Variants in SP110 observed in about 807,000 individuals in gnomAD.
The protein encoded by SP110 is interferon-induced protein 41, 30kD.
SP110 carries 62 observed loss-of-function variants against 92.7 expected under a neutral mutation model. That is an observed-to-expected ratio of 0.67 (90% CI 0.55 to 0.83). The LOEUF is 0.83. Ranked by LOEUF, SP110 falls within the 40% of genes least tolerant of loss-of-function variation. The probability of loss-of-function intolerance (pLI) is 0.00; values close to 1 mark genes in which losing one functional copy is unlikely to be tolerated. For synonymous variants in SP110, 273 were observed against 305.3 expected (o/e 0.89, Z 1.10); for missense variants, 793 against 863.9 (o/e 0.92, Z 1.03).
In SP110 at chr2:230,172,673, A is replaced by G. The variant is rs561778670; in HGVS notation, c.1706+171T>C. The G allele has an allele frequency of 2.9e-4, 175 of 612,530 alleles. 1 individual carries two copies. The South Asian group carries it at 3.2e-3, about 11-fold the overall frequency. The allele number at this position is 612,530 out of a possible 1,614,324, so 37.9% of individuals were successfully genotyped here. A position where few individuals can be genotyped will look rare whatever the true frequency, so the allele number is the denominator to read the frequency against. On this transcript the variant is annotated intron_variant, in intron 15 of 18. Coordinates refer to ENST00000258381, the MANE Select transcript of SP110 (RefSeq NM_080424.4). Reference sequence around the variant, plus strand: ...AGGAAAGGGCACTTCCAGGGGCAGAAGCAGTGTGGGGCCAAGAGGCTCACT... The same window carrying G: ...AGGAAAGGGCACTTCCAGGGGCAGAGGCAGTGTGGGGCCAAGAGGCTCACT...
At chr2:230,210,693 C>G (rs946705254) in intron 6 of SP110, among the ~76,000 whole-genome samples, 1 of 152,198 alleles carries the variant, frequency 6.6e-6, no homozygotes, top group Admixed American at 6.5e-5. Flanking sequence ...GAACTTGAAG[C>G]CATAACAAAT....
chr2:230,168,962 G>C lies in SP110; in HGVS notation c.*162C>G, dbSNP rs536224460. On this transcript the variant is annotated 3_prime_UTR_variant, in exon 19 of 19. Coordinates refer to ENST00000258381, the MANE Select transcript of SP110 (RefSeq NM_080424.4). ...AGATATAGACTTTTAAAGGTAAAAA[G>C]AAAGAATAAAGATGGAGGGTGTGAT... The C allele has an allele frequency of 8.0e-6, 5 of 621,898 alleles. No homozygotes were observed. Among genetic ancestry groups the C allele is most frequent in the Non-Finnish European group, 1.5e-5 (5 of 340,512 alleles). The allele number at this position is 621,898 out of a possible 1,614,324, so 38.5% of individuals were successfully genotyped here.
Position 230,165,845 on chromosome 2 carries a change from A to G in SP110, c.*3279T>C, listed in dbSNP as rs2078302703. ...AAATAGACAAAAATAACATTAAAACATTAAAAAGAGAAATATTAAAATATG... is the reference window on the plus strand; with the variant it reads ...AAATAGACAAAAATAACATTAAAACGTTAAAAAGAGAAATATTAAAATATG... On this transcript the variant is annotated 3_prime_UTR_variant, in exon 19 of 19. Transcript: ENST00000258381. Among the ~76,000 whole-genome samples, 1 of 152,064 alleles carries G rather than the reference A, an allele frequency of 6.6e-6. No homozygotes were observed. The highest frequency in any genetic ancestry group is 2.4e-5 in the African/African-American group (1 of 41,422).
chr2:230,178,839 C>T (rs966191840), intron 12 of SP110, among the ~76,000 whole-genome samples: 3 of 152,182 alleles, frequency 2.0e-5, no homozygotes, highest in Admixed American at 2.0e-4. Context: ...CAACTCAGAA[C>T]CCCTGGGTAG....
chr2:230,177,587 C>T lies in SP110; in HGVS notation c.1541G>A (p.Trp514Ter), dbSNP rs756828902. The change falls in exon 14 of 19, where the codon TGG (tryptophan) becomes TAG (stop). Residue 514 changes from tryptophan to a stop codon, truncating the protein, a stop_gained. Transcript: ENST00000258381. LOFTEE classifies it high-confidence loss of function. The part of the protein sequence containing the change: ...VEGKGRNAKN[W>*]KRNIRCEGMT... ...TCCTTCACAACGTATATTCCGTTTC[C>T]AGTTCTTTGCGTTCCTTCCTTTTCC... 6.2e-7 allele frequency: 1 copy of T among 1,614,124 alleles called. No homozygotes were observed. The highest frequency in any genetic ancestry group is 8.5e-7 in the Non-Finnish European group (1 of 1,179,952).
chr2:230,223,320 C>A (rs2045977041), upstream of SP110, among the ~76,000 whole-genome samples: 2 of 152,186 alleles, frequency 1.3e-5, no homozygotes, highest in South Asian at 4.1e-4. Flanking sequence ...TAGGCATGAG[C>A]CACCATGCCC....
chr2:230,182,240 T>C (rs1344729249), intron 12 of SP110, among the ~76,000 whole-genome samples: 1 of 151,906 alleles, frequency 6.6e-6, no homozygotes, highest in Non-Finnish European at 1.5e-5. Context: ...TTCTCACTTA[T>C]AAGTGGGAGT....
chr2:230,216,196 GA>G (rs1453654059), intron 2 of SP110, among the ~76,000 whole-genome samples: 3 of 152,158 alleles, frequency 2.0e-5, no homozygotes, highest in Admixed American at 1.3e-4. Flanking sequence ...TCTCAGCCAA[GA>G]TATATCCATC....
At chr2:230,218,367 G>T (rs28733458) in intron 1 of SP110, among the ~76,000 whole-genome samples, 3 of 152,046 alleles carry the variant, frequency 2.0e-5, no homozygotes, top group East Asian at 1.9e-4. Flanking sequence ...AGAATAATCC[G>T]CAATCGCATA....
intron 11 of SP110, among the ~76,000 whole-genome samples, chr2:230,184,657 A>T (rs900471316): frequency 3.3e-5 from 5 of 151,840 alleles, no homozygotes; most frequent in African/African-American, 1.2e-4. Flanking sequence ...CAAATCAGAA[A>T]AACTAATAAT....
At position 230,208,101 on chromosome 2, in the gene SP110, C is replaced by G. The variant is rs574960580; in HGVS notation, c.830-42G>C. The G allele has an allele frequency of 9.0e-6, 10 of 1,109,340 alleles. No homozygotes were observed. The African/African-American group carries it at 9.3e-5, about 10-fold the overall frequency. The allele number at this position is 1,109,340 out of a possible 1,614,324, so 68.7% of individuals were successfully genotyped here. On this transcript the variant is annotated intron_variant, in intron 7 of 18. Transcript: ENST00000258381. ...ATGTTTTATAGTTACAAACATTGAT[C>G]TCCCAATCTTGTATGTCAATGATAT...
intron 3 of SP110, among the ~76,000 whole-genome samples, chr2:230,213,322 T>C (rs1165271936): frequency 6.6e-6 from 1 of 152,260 alleles, no homozygotes; most frequent in Non-Finnish European, 1.5e-5. Context: ...TTAACTTTTC[T>C]TTAATCTTGG....
intron 18 of SP110, among the ~76,000 whole-genome samples, chr2:230,169,827 G>C (rs1206879424): frequency 6.6e-6 from 1 of 152,186 alleles, no homozygotes; most frequent in Non-Finnish European, 1.5e-5. Context: ...TTTCTTGGAA[G>C]CCCACTCGCT....
At chr2:230,178,042 T>C (rs2041946548) in intron 13 of SP110, 115 bp downstream of exon 13, 1 of 741,568 alleles carries the variant, frequency 1.3e-6, no homozygotes, top group South Asian at 1.5e-5. Context: ...GCGTTTCTTC[T>C]GCAGTCTAGC....
chr2:230,194,458 A>G (rs2042773324), intron 10 of SP110, among the ~76,000 whole-genome samples: 1 of 136,554 alleles, frequency 7.3e-6, no homozygotes, highest in Non-Finnish European at 1.6e-5. Context: ...AAAATAAATT[A>G]AAAAAAGAAA....
At chr2:230,205,648 C>T (rs2043698046) in intron 8 of SP110, among the ~76,000 whole-genome samples, 1 of 152,082 alleles carries the variant, frequency 6.6e-6, no homozygotes, top group Non-Finnish European at 1.5e-5. Flanking sequence ...ACAGTTAGTG[C>T]TCACTGCATA....
chr2:230,214,837 C>T (rs2044925553), intron 3 of SP110, 113 bp downstream of exon 3: 1 of 874,530 alleles, frequency 1.1e-6, no homozygotes, highest in Admixed American at 1.9e-5. Flanking sequence ...GTCCATTCCA[C>T]CCCAGAGAGA....
In SP110 at chr2:230,175,615, G is replaced by T. The variant is rs566136801; in HGVS notation, c.1590+1923C>A. Reference sequence around the variant, plus strand: ...CAGGCCAGCCTCCAGGGCAAGATGGGGGAGGCACCATTGTCTCTGCTGGAA... The same window carrying T: ...CAGGCCAGCCTCCAGGGCAAGATGGTGGAGGCACCATTGTCTCTGCTGGAA... On this transcript the variant is annotated intron_variant, in intron 14 of 18. Coordinates refer to ENST00000258381, the MANE Select transcript of SP110 (RefSeq NM_080424.4). Among the ~76,000 whole-genome samples the T allele has an allele frequency of 5.3e-5, 8 of 152,286 alleles. No individual in the cohort carries two copies. The South Asian group carries it at 1.7e-3, about 32-fold the overall frequency.
At chr2:230,169,347 C>T in intron 18 of SP110, 110 bp from the exon 19 acceptor site, 2 of 739,358 alleles carry the variant, frequency 2.7e-6, no homozygotes, top group South Asian at 1.4e-5. Context: ...CTTTCCCCGT[C>T]ACCCAGGCTG....
Sources: allele counts gnomAD v4.1 joint callset (sites outside exome capture counted in the v4.1 genomes callset), GRCh38; gene constraint gnomAD v4.1.1; transcripts MANE v1.5; gene names NCBI Gene and HGNC (gene_info 2026-07-23, HGNC 2026-07-21).